Variants in ALG12 observed in about 807,000 individuals in gnomAD.
The protein encoded by ALG12 is dol-P-Man:Man(7)GlcNAc(2)-PP-Dol alpha-1,6-mannosyltransferase.
ALG12 carries 36 observed loss-of-function variants against 46.0 expected under a neutral mutation model. The observed-to-expected ratio is 0.78, with a 90% CI of 0.60 to 1.03. The LOEUF (loss-of-function observed/expected upper bound fraction) is 1.03, where lower values mean the gene tolerates loss of function less well. Ranked by LOEUF, ALG12 falls within the 50% of genes least tolerant of loss-of-function variation. The probability of loss-of-function intolerance (pLI) is 0.00; values close to 1 mark genes in which losing one functional copy is unlikely to be tolerated. For missense variants in ALG12, 599 were observed against 633.5 expected (o/e 0.95, Z 0.58); for synonymous variants, 326 against 291.6 (o/e 1.12, Z -1.20).
the ALG12 span, among the ~76,000 whole-genome samples, chr22:49,881,540 GC>G: frequency 6.6e-6 from 1 of 152,034 alleles, no homozygotes; most frequent in Non-Finnish European, 1.5e-5. Context: ...ACGCACCACC[GC>G]ACCTGGCTAA....
chr22:49,915,789 G>A (rs2060606010), intron 1 of ALG12, among the ~76,000 whole-genome samples: 1 of 152,164 alleles, frequency 6.6e-6, no homozygotes, highest in Admixed American at 6.5e-5. Context: ...GTGGCCTGAA[G>A]GCTGCCTCGC....
Position 49,906,616 on chromosome 22 carries a change from C to T in ALG12, c.992+1105G>A, listed in dbSNP as rs1216909033. On this transcript the variant is annotated intron_variant, in intron 7 of 9. Coordinates refer to ENST00000330817, the MANE Select transcript of ALG12 (RefSeq NM_024105.4). This position sits in a 1 kb window ranked among gnomAD's most constrained non-coding sequence, Gnocchi z 4.4. ...CTGACCGCTGCCTGAGATCAGGGAC[C>T]GCATTGTGGGGCTTCCTCTCCAGCC... 2.6e-5 allele frequency among the ~76,000 whole-genome samples: 4 copies of T among 152,184 alleles called. No homozygotes were observed. The highest frequency in any genetic ancestry group is 4.4e-5 in the Non-Finnish European group (3 of 68,002).
At chr22:49,895,951 G>T (rs1014120314), downstream of ALG12, among the ~76,000 whole-genome samples, 1 of 152,190 alleles carries the variant, frequency 6.6e-6, no homozygotes, top group East Asian at 1.9e-4. Flanking sequence ...TCTGGGAAGG[G>T]CAAATGCTGG....
the ALG12 span, among the ~76,000 whole-genome samples, chr22:49,875,649 G>C: frequency 7.9e-5 from 12 of 152,220 alleles, no homozygotes; most frequent in East Asian, 2.1e-3. Context: ...TCGATCTACT[G>C]ACCTCAAGTG....
At position 49,907,860 on chromosome 22, in the gene ALG12, C is replaced by G. The variant is rs2060552061; in HGVS notation, c.853G>C (p.Asp285His). Residue 285 changes from aspartate (D) to histidine (H), a missense_variant, in exon 7 of 10, where the codon GAC becomes CAC. Asp to His is a moderately conservative substitution (Grantham distance 81). Coordinates refer to ENST00000330817, the MANE Select transcript of ALG12 (RefSeq NM_024105.4). ...SLLFIPLGLV[D>H]RRTHAPTVLA... ...ACCGTCGGCGCGTGCGTCCTTCTGT[C>G]TACCAAGCCCAGGGGGATGAAGAGC... 6.2e-7 allele frequency: 1 copy of G among 1,614,004 alleles called. No individual in the cohort carries two copies. The highest frequency in any genetic ancestry group is 8.5e-7 in the Non-Finnish European group (1 of 1,180,020).
chr22:49,903,312 G>A lies in ALG12; in HGVS notation c.*526C>T, dbSNP rs1477202833. The A allele has an allele frequency of 1.1e-5, 5 of 456,846 alleles. No individual in the cohort carries two copies. The Admixed American group carries it at 1.2e-4, about 11-fold the overall frequency. 28.3% of individuals were successfully genotyped at this position (456,846 alleles called of 1,614,324 possible). On this transcript the variant is annotated 3_prime_UTR_variant, in exon 10 of 10. Transcript: ENST00000330817. ...TAAGATTTTATCTGTGATGGAGATG[G>A]GATGCCTGTGAATACAAAAGTTGCA...
In ALG12 at chr22:49,906,357, G is replaced by C. The variant is rs961731021; in HGVS notation, c.992+1364C>G. 3.3e-5 allele frequency among the ~76,000 whole-genome samples: 5 copies of C among 152,306 alleles called. No homozygotes were observed. Among genetic ancestry groups the C allele is most frequent in the Admixed American group, 2.6e-4 (4 of 15,306 alleles). On this transcript the variant is annotated intron_variant, in intron 7 of 9. Coordinates refer to ENST00000330817, the MANE Select transcript of ALG12 (RefSeq NM_024105.4). This position sits in a 1 kb window ranked among gnomAD's most constrained non-coding sequence, Gnocchi z 4.4. ...AGCCCTGAGCCGACCCCTGAGACGA[G>C]AGGGAGCCAAAGGCACAGAAAAGCA...
downstream of ALG12, among the ~76,000 whole-genome samples, chr22:49,897,848 A>C (rs145546200): frequency 8.7e-3 from 1,299 of 149,346 alleles, 14 homozygotes; most frequent in South Asian, 0.068. Context: ...TTTAGTAGAG[A>C]TGTGGTTTCA....
the ALG12 span, among the ~76,000 whole-genome samples, chr22:49,870,467 C>T: frequency 6.6e-6 from 1 of 152,170 alleles, no homozygotes; most frequent in Non-Finnish European, 1.5e-5. Flanking sequence ...TCCCTTTTCT[C>T]TGTAGCCTCT....
chr22:49,884,232 A>T, the ALG12 span: 1 of 1,601,826 alleles, frequency 6.2e-7, no homozygotes, highest in Non-Finnish European at 8.5e-7. Context: ...TCCTGCTTCC[A>T]CCACAGCCTG....
chr22:49,894,979 CAT>C, the ALG12 span, among the ~76,000 whole-genome samples: 2 of 152,116 alleles, frequency 1.3e-5, no homozygotes, highest in Admixed American at 6.5e-5. Context: ...GAGGGAGTCA[CAT>C]GTGGGAGTGA....
At chr22:49,907,396 T>C (rs1350038481) in intron 7 of ALG12, among the ~76,000 whole-genome samples, 1 of 152,178 alleles carries the variant, frequency 6.6e-6, no homozygotes, top group Non-Finnish European at 1.5e-5. Flanking sequence ...GCCAGGCCGG[T>C]CCCATCCCAT....
At chr22:49,874,714 T>A in the ALG12 span, among the ~76,000 whole-genome samples, 2 of 101,086 alleles carry the variant, frequency 2.0e-5, no homozygotes, top group Non-Finnish European at 3.7e-5. Flanking sequence ...GGAGTCTCAC[T>A]CTGTCGCCAG....
chr22:49,884,756 C>T, the ALG12 span: 286 of 1,595,544 alleles, frequency 1.8e-4, no homozygotes, highest in Admixed American at 4.3e-4. Context: ...TTGCTGCCGC[C>T]GGAGGGGGAG....
chr22:49,886,259 C>G, the ALG12 span: 2 of 1,255,914 alleles, frequency 1.6e-6, no homozygotes, highest in Non-Finnish European at 2.3e-6. This position sits in a 1 kb window ranked among gnomAD's most constrained non-coding sequence, Gnocchi z 7.7. Context: ...TCGCCCAAGG[C>G]GAAGGAGAAA....
At chr22:49,892,197 A>C in the ALG12 span, among the ~76,000 whole-genome samples, 4 of 151,722 alleles carry the variant, frequency 2.6e-5, no homozygotes, top group African/African-American at 9.7e-5. Flanking sequence ...CAAAAAAAAA[A>C]AAAAAAAAAA....
chr22:49,913,820 G>T lies in ALG12; in HGVS notation c.-55C>A. On this transcript the variant is annotated 5_prime_UTR_variant, in exon 2 of 10. Coordinates refer to ENST00000330817, the MANE Select transcript of ALG12 (RefSeq NM_024105.4). ...AGGCCAACAGTGCGAGACACCAGCC[G>T]TTAGCACTGCCACTCCACGCATGCT... The T allele has an allele frequency of 6.2e-7, 1 of 1,604,560 alleles. No homozygotes were observed. Among genetic ancestry groups the T allele is most frequent in the Non-Finnish European group, 8.5e-7 (1 of 1,175,746 alleles).
chr22:49,897,811 A>G (rs537725607), downstream of ALG12, among the ~76,000 whole-genome samples: 183 of 150,868 alleles, frequency 1.2e-3, no homozygotes, highest in African/African-American at 4.2e-3. Context: ...GCCCACCACC[A>G]CGCCCGGATA....
chr22:49,865,272 C>T, the ALG12 span, among the ~76,000 whole-genome samples: 9 of 152,046 alleles, frequency 5.9e-5, no homozygotes, highest in African/African-American at 9.7e-5. Context: ...CAGATGGTGT[C>T]GTTATCTTAT....
Sources: gnomAD v4.1 joint callset for allele counts (sites outside exome capture counted in the v4.1 genomes callset) on GRCh38, gnomAD v4.1.1 for gene constraint, Gnocchi (gnomAD v3.1) non-coding constraint, MANE v1.5 for transcripts, NCBI Gene and HGNC (gene_info 2026-07-23, HGNC 2026-07-21) for gene names.